The following RAB11FIP3 variants were observed in gnomAD, a reference collection of about 807,000 sequenced individuals.
The protein encoded by RAB11FIP3 is RAB11 family interacting protein 3.
A neutral mutation model predicts 77.8 loss-of-function variants in RAB11FIP3; 17 were observed. That is an observed-to-expected ratio of 0.22 (90% CI 0.15 to 0.33). The LOEUF (loss-of-function observed/expected upper bound fraction) is 0.33. Ranked by LOEUF, RAB11FIP3 falls within the 10% of genes least tolerant of loss-of-function variation. The pLI is 1.00. For missense variants in RAB11FIP3, 1,005 were observed against 1,011.2 expected, an observed-to-expected ratio of 0.99 and a Z score of 0.08; for synonymous variants, 437 against 448.2, an observed-to-expected ratio of 0.98 and a Z score of 0.31.
At chr16:459,042 C>T (rs2055558042) in intron 1 of RAB11FIP3, among the ~76,000 whole-genome samples, 1 of 151,396 alleles carries the variant, frequency 6.6e-6, no homozygotes, top group Non-Finnish European at 1.5e-5. Context: ...AAGCAGTGCT[C>T]TTTAAAAAAT....
At position 505,390 on chromosome 16, in the gene RAB11FIP3, C is replaced by T. The variant is rs2031816552; in HGVS notation, c.1396-134C>T. 1 of 673,122 alleles carries T rather than the reference C, an allele frequency of 1.5e-6. No individual in the cohort carries two copies. Among genetic ancestry groups the T allele is most frequent in the Non-Finnish European group, 2.5e-6 (1 of 400,440 alleles). 41.7% of individuals were successfully genotyped at this position (673,122 alleles called of 1,614,324 possible). On this transcript the variant is annotated intron_variant, in intron 7 of 13. Transcript: ENST00000262305. The surrounding 1 kb of genome is among the most constrained non-coding windows in gnomAD (Gnocchi z 4.0). ...GTGGGTTTATGGGACAAGTTGGATC[C>T]AACACCAGCCTAGCTAGGTGGATCT...
intron 5 of RAB11FIP3, among the ~76,000 whole-genome samples, chr16:496,253 G>T (rs2031117686): frequency 6.6e-6 from 1 of 152,216 alleles, no homozygotes; most frequent in Non-Finnish European, 1.5e-5. Context: ...AGAAATGAGG[G>T]AGAAGGTAAG....
At chr16:454,087 G>T (rs2141622860) in intron 1 of RAB11FIP3, among the ~76,000 whole-genome samples, 1 of 152,240 alleles carries the variant, frequency 6.6e-6, no homozygotes, top group East Asian at 1.9e-4. Flanking sequence ...TTTCCCAGTA[G>T]GACCTCATCA....
Position 461,740 on chromosome 16 carries a change from C to G in RAB11FIP3, c.808+243C>G, listed in dbSNP as rs990980848. Among the ~76,000 whole-genome samples, 4 of 152,134 alleles carry G rather than the reference C, an allele frequency of 2.6e-5. No homozygotes were observed. The highest frequency in any genetic ancestry group is 9.7e-5 in the African/African-American group (4 of 41,410). ...CCATAATGCTAGAAAGCAACTGCCCCCTTCCTCAAAGATTTCATGATGACA... is the reference window on the plus strand; with the variant it reads ...CCATAATGCTAGAAAGCAACTGCCCGCTTCCTCAAAGATTTCATGATGACA... On this transcript the variant is annotated intron_variant, in intron 2 of 13. Coordinates refer to ENST00000262305, the MANE Select transcript of RAB11FIP3 (RefSeq NM_014700.4). The surrounding 1 kb of genome is among the most constrained non-coding windows in gnomAD (Gnocchi z 4.5).
At chr16:445,456 T>TA (rs1567360213) in intron 1 of RAB11FIP3, among the ~76,000 whole-genome samples, 1 of 149,978 alleles carries the variant, frequency 6.7e-6, no homozygotes, top group African/African-American at 2.5e-5. Flanking sequence ...AAAATAAAAA[T>TA]AAAAAAAGAT....
chr16:505,012 T>C lies in RAB11FIP3; in HGVS notation c.1396-512T>C, dbSNP rs947359075. ...CCCACCACCTCCTCCCTACAACTTC[T>C]CTAGCATCTCAAGTCTGCTGACCCA... On this transcript the variant is annotated intron_variant, in intron 7 of 13. Coordinates refer to ENST00000262305, the MANE Select transcript of RAB11FIP3 (RefSeq NM_014700.4). The surrounding 1 kb of genome is among the most constrained non-coding windows in gnomAD (Gnocchi z 4.0). Among the ~76,000 whole-genome samples the C allele has an allele frequency of 3.5e-5, 5 of 144,850 alleles. No individual in the cohort carries two copies. Among genetic ancestry groups the C allele is most frequent in the Non-Finnish European group, 7.5e-5 (5 of 66,594 alleles).
chr16:434,417 C>T (rs936944357), intron 1 of RAB11FIP3, among the ~76,000 whole-genome samples: 6 of 151,716 alleles, frequency 4.0e-5, no homozygotes, highest in Admixed American at 3.3e-4. Context: ...AGCCACTGCA[C>T]CCTGCCAGAT....
rs1228149600 is a variant in RAB11FIP3 at position 522,569 on chromosome 16, G to A, written c.*1730G>A. On this transcript the variant is annotated 3_prime_UTR_variant, in exon 14 of 14. Transcript: ENST00000262305. ...GCCCAGCTTCCCTCAAGGCGTCCGAGGCCATCAGTTGTCTGAGCTCAGAAC... is the reference window on the plus strand; with the variant it reads ...GCCCAGCTTCCCTCAAGGCGTCCGAAGCCATCAGTTGTCTGAGCTCAGAAC... 6.6e-6 allele frequency: 1 copy of A among 152,276 alleles called. No individual in the cohort carries two copies. The highest frequency in any genetic ancestry group is 2.1e-4 in the South Asian group (1 of 4,834). The allele number at this position is 152,276 out of a possible 1,614,324, so 9.4% of individuals were successfully genotyped here.
chr16:492,741 A>G (rs1347330998), intron 5 of RAB11FIP3, among the ~76,000 whole-genome samples: 4 of 152,152 alleles, frequency 2.6e-5, no homozygotes, highest in African/African-American at 9.7e-5. Context: ...CCGTACATGA[A>G]AGTAAGCCTG....
intron 8 of RAB11FIP3, chr16:510,393 G>A: frequency 2.3e-6 from 1 of 432,834 alleles, no homozygotes; most frequent in African/African-American, 2.0e-5. Context: ...CCACAAGCGG[G>A]CAGTGCCTGT....
At chr16:489,184 C>T (rs953613750) in intron 5 of RAB11FIP3, 184 bp downstream of exon 5, 14 of 733,180 alleles carry the variant, frequency 1.9e-5, no homozygotes, top group Non-Finnish European at 3.0e-5. Flanking sequence ...GGAGAAGTCC[C>T]TCTTCTCCAG....
intron 3 of RAB11FIP3, among the ~76,000 whole-genome samples, chr16:473,926 G>A (rs1289420359): frequency 2.0e-5 from 3 of 151,996 alleles, no homozygotes; most frequent in African/African-American, 7.3e-5. Flanking sequence ...AGAACGCCAC[G>A]GAGCTAGAAC....
At chr16:494,419 G>A (rs1005336604) in intron 5 of RAB11FIP3, among the ~76,000 whole-genome samples, 2 of 150,786 alleles carry the variant, frequency 1.3e-5, no homozygotes, top group African/African-American at 4.9e-5. Flanking sequence ...TCAGGAGATC[G>A]AGACCATCCT....
At chr16:427,827 C>T (rs530298181) in intron 1 of RAB11FIP3, among the ~76,000 whole-genome samples, 33 of 152,154 alleles carry the variant, frequency 2.2e-4, no homozygotes, top group Non-Finnish European at 4.1e-4. Context: ...TGGTCGGGCG[C>T]GGTGGCTCAT....
intron 3 of RAB11FIP3, among the ~76,000 whole-genome samples, chr16:475,445 C>T (rs907420367): frequency 1.3e-5 from 2 of 152,190 alleles, no homozygotes; most frequent in African/African-American, 2.4e-5. Flanking sequence ...CTGCCGGGGC[C>T]GGTGTGAGCT....
chr16:517,956 C>T (rs1395175332), intron 9 of RAB11FIP3, among the ~76,000 whole-genome samples: 3 of 152,168 alleles, frequency 2.0e-5, no homozygotes, highest in Non-Finnish European at 4.4e-5. Flanking sequence ...GTGGCAGTCG[C>T]CTGTAGTCCC....
chr16:481,302 G>A (rs2056037247), intron 3 of RAB11FIP3, among the ~76,000 whole-genome samples: 1 of 151,716 alleles, frequency 6.6e-6, no homozygotes, highest in Non-Finnish European at 1.5e-5. Context: ...CCTGAGGTAA[G>A]GAGTTTGAGA....
intron 3 of RAB11FIP3, among the ~76,000 whole-genome samples, chr16:474,340 T>TA (rs1350944757): frequency 7.2e-5 from 11 of 152,182 alleles, no homozygotes; most frequent in Admixed American, 2.6e-4. Context: ...AATGTGCAGT[T>TA]AGTCATGGCC....
chr16:520,290 G>A lies in RAB11FIP3; in HGVS notation c.2016+13G>A, dbSNP rs1382645217. On this transcript the variant is annotated intron_variant, in intron 12 of 13. Coordinates refer to ENST00000262305, the MANE Select transcript of RAB11FIP3 (RefSeq NM_014700.4). The stretch of plus-strand genomic sequence containing the variant: ...CAGGCTGAAGCAGGTGGGCAGGCCT[G>A]GGCCTCCCTCCCTCACACTCCTGCA... 6.5e-6 allele frequency: 10 copies of A among 1,545,868 alleles called. No homozygotes were observed. Among genetic ancestry groups the A allele is most frequent in the Non-Finnish European group, 8.7e-6 (10 of 1,147,590 alleles).
Sources: allele counts gnomAD v4.1 joint callset (sites outside exome capture counted in the v4.1 genomes callset), GRCh38; gene constraint gnomAD v4.1.1; non-coding constraint Gnocchi (gnomAD v3.1); transcripts MANE v1.5; gene names NCBI Gene and HGNC (gene_info 2026-07-23, HGNC 2026-07-21).